Variants in PDE4D observed in about 807,000 individuals in gnomAD.
PDE4D encodes the protein phosphodiesterase 4D.
PDE4D carries 24 observed loss-of-function variants against 87.4 expected under a neutral mutation model. That is an observed-to-expected ratio of 0.27 (90% CI 0.20 to 0.39). The LOEUF is 0.39. Ranked by LOEUF, PDE4D falls within the 10% of genes least tolerant of loss-of-function variation. The pLI, the probability that PDE4D is intolerant of heterozygous loss-of-function variation, is 1.00. For synonymous variants in PDE4D, 384 were observed against 383.2 expected, an observed-to-expected ratio of 1.00 and a Z score of -0.02; for missense variants, 714 against 1,041.0, an observed-to-expected ratio of 0.69 and a Z score of 4.32.
chr5:59,890,288 C>G (rs1341184195), intron 1 of PDE4D, among the ~76,000 whole-genome samples: 2 of 147,492 alleles, frequency 1.4e-5, no homozygotes, highest in African/African-American at 5.2e-5. Context: ...CACACACACA[C>G]ACACACACCT....
At chr5:59,416,133 G>A (rs185417) in intron 1 of PDE4D, among the ~76,000 whole-genome samples, 34,041 of 152,128 alleles carry the variant, frequency 0.22, 4,006 homozygotes, top group East Asian at 0.38. Context: ...CAATTTCACA[G>A]TTGTCAGAAA....
intron 1 of PDE4D, among the ~76,000 whole-genome samples, chr5:59,464,137 C>A (rs1047931133): frequency 2.0e-5 from 3 of 152,178 alleles, no homozygotes; most frequent in African/African-American, 7.2e-5. Context: ...GGTTTCTCCC[C>A]ATGTGATAGT....
intron 5 of PDE4D, among the ~76,000 whole-genome samples, chr5:59,089,889 A>T (rs1768377327): frequency 1.3e-5 from 2 of 152,142 alleles, no homozygotes; most frequent in Admixed American, 6.6e-5. Flanking sequence ...AGAGTTGAGA[A>T]GTCCAAATAA....
Position 59,519,873 on chromosome 5 carries a change from G to A in PDE4D, c.456-303905C>T, listed in dbSNP as rs62357508. 4.0e-3 allele frequency among the ~76,000 whole-genome samples: 602 copies of A among 151,736 alleles called. 2 individuals are homozygous for A. The highest frequency in any genetic ancestry group is 0.014 in the Middle Eastern group (4 of 294). On this transcript the variant is annotated intron_variant, in intron 1 of 14. Coordinates refer to ENST00000340635, the MANE Select transcript of PDE4D (RefSeq NM_001104631.2). Reference sequence around the variant, plus strand: ...GCACAGGAAGTAGTAAACAATATTGGATTTGTTGGGCAAAGTGTATCCACC... The same window carrying A: ...GCACAGGAAGTAGTAAACAATATTGAATTTGTTGGGCAAAGTGTATCCACC...
chr5:59,874,598 G>T (rs993578952), intron 1 of PDE4D, among the ~76,000 whole-genome samples: 1 of 151,988 alleles, frequency 6.6e-6, no homozygotes, highest in Admixed American at 6.5e-5. Context: ...TAAAGTATTG[G>T]GAGAATACAA....
At chr5:58,977,542 A>T (rs1242795402) in intron 11 of PDE4D, among the ~76,000 whole-genome samples, 197 bp from the exon 12 acceptor site, 3 of 152,174 alleles carry the variant, frequency 2.0e-5, no homozygotes, top group Non-Finnish European at 4.4e-5. Flanking sequence ...TGGGGAGTGA[A>T]TTCTAATGCT....
At chr5:59,763,618 C>A in intron 1 of PDE4D, among the ~76,000 whole-genome samples, 1 of 152,150 alleles carries the variant, frequency 6.6e-6, no homozygotes. Context: ...GAAGAACTTC[C>A]TGATTTCAAT....
At chr5:59,502,089 T>A (rs10514861) in intron 1 of PDE4D, among the ~76,000 whole-genome samples, 36,093 of 152,008 alleles carry the variant, frequency 0.24, 5,743 homozygotes, top group African/African-American at 0.46. Context: ...CATGCCATGG[T>A]TTCTTTACCT....
At chr5:59,081,499 T>C (rs2153423712) in intron 5 of PDE4D, among the ~76,000 whole-genome samples, 1 of 116,090 alleles carries the variant, frequency 8.6e-6, no homozygotes, top group East Asian at 2.8e-4. Context: ...TTGAACCTCA[T>C]GACCAGGAAG....
At position 59,181,543 on chromosome 5, in the gene PDE4D, G is replaced by GATATATATATATATATATATATATAT. The variant is rs3061466; in HGVS notation, c.759-925_759-900dup. Among the ~76,000 whole-genome samples the GATATATATATATATATATATATATAT allele has an allele frequency of 1.0e-3, 124 of 118,816 alleles. 2 individuals carry two copies. The highest frequency in any genetic ancestry group is 3.8e-3 in the African/African-American group (99 of 26,352). 77.9% of individuals were successfully genotyped at this position (118,816 alleles called of 152,430 possible). A position where few individuals can be genotyped will look rare whatever the true frequency, so the allele number is the denominator to read the frequency against. On this transcript the variant is annotated intron_variant, in intron 4 of 14. Coordinates refer to ENST00000340635, the MANE Select transcript of PDE4D (RefSeq NM_001104631.2). ...CTTTTAGATACATTCAAAGATGTCT[G>GATATATATATATATATATATATATAT]ATATATATATATATATATATATATA...
intron 2 of PDE4D, among the ~76,000 whole-genome samples, chr5:60,122,053 G>A (rs1778732847): frequency 6.6e-6 from 1 of 152,154 alleles, no homozygotes; most frequent in Admixed American, 6.5e-5. Flanking sequence ...GATCTCCTTT[G>A]ACTCCATGTC....
chr5:59,351,409 C>T (rs1780515784), intron 1 of PDE4D, among the ~76,000 whole-genome samples: 1 of 152,154 alleles, frequency 6.6e-6, no homozygotes, highest in Non-Finnish European at 1.5e-5. Flanking sequence ...CAACATTACT[C>T]ACAATTTGAA....
At chr5:60,119,320 A>G (rs1219776752) in intron 2 of PDE4D, among the ~76,000 whole-genome samples, 2 of 152,228 alleles carry the variant, frequency 1.3e-5, no homozygotes, top group African/African-American at 4.8e-5. Flanking sequence ...TGTAAGTTTC[A>G]GGAACTCACA....
intron 2 of PDE4D, among the ~76,000 whole-genome samples, chr5:60,067,122 T>C (rs1317455174): frequency 6.6e-6 from 1 of 152,148 alleles, no homozygotes; most frequent in East Asian, 1.9e-4. Flanking sequence ...CATATATGTC[T>C]ACATTTCACT....
chr5:59,673,114 G>A (rs1747489325), intron 1 of PDE4D, among the ~76,000 whole-genome samples: 1 of 152,196 alleles, frequency 6.6e-6, no homozygotes, highest in African/African-American at 2.4e-5. Flanking sequence ...TGATCAGGAA[G>A]TTTAAATGGA....
intron 3 of PDE4D, among the ~76,000 whole-genome samples, chr5:59,190,835 T>G (rs549133501): frequency 6.6e-6 from 1 of 152,110 alleles, no homozygotes; most frequent in African/African-American, 2.4e-5. Flanking sequence ...GGCTTAACAG[T>G]TTTTTGTTTT....
chr5:60,210,836 G>A (rs900878656), intron 1 of PDE4D, among the ~76,000 whole-genome samples: 4 of 151,912 alleles, frequency 2.6e-5, no homozygotes, highest in Non-Finnish European at 5.9e-5. Context: ...TGACCAGGTG[G>A]CCTCAGGGAC....
chr5:59,626,784 G>A (rs531737685), intron 1 of PDE4D, among the ~76,000 whole-genome samples: 6 of 152,228 alleles, frequency 3.9e-5, no homozygotes, highest in South Asian at 4.1e-4. Context: ...TTTAATGAAC[G>A]CTGAGCTAAA....
At chr5:60,241,125 G>T (rs577047293) in intron 1 of PDE4D, among the ~76,000 whole-genome samples, 10 of 151,966 alleles carry the variant, frequency 6.6e-5, no homozygotes, top group African/African-American at 2.2e-4. Context: ...AGAAATTCAA[G>T]ATAATACAAA....
Sources: allele counts gnomAD v4.1 joint callset (sites outside exome capture counted in the v4.1 genomes callset), GRCh38; gene constraint gnomAD v4.1.1; transcripts MANE v1.5; gene names NCBI Gene and HGNC (gene_info 2026-07-23, HGNC 2026-07-21).